UTP15: variants seen among roughly 807,000 people sequenced by gnomAD.
UTP15 encodes UTP15 small subunit processome component, also known as U3 small nucleolar RNA-associated protein 15 homolog.
In UTP15, 5 loss-of-function variants were observed where a neutral mutation model predicts 59.1. That is an observed-to-expected ratio of 0.08 (90% confidence interval 0.04 to 0.18). The LOEUF is 0.18. UTP15 is among the 10% of genes least tolerant of loss of function. The probability of loss-of-function intolerance (pLI) is 1.00; values close to 1 mark genes in which losing one functional copy is unlikely to be tolerated. For synonymous variants in UTP15, 211 were observed against 212.2 expected (o/e 0.99, Z 0.05); for missense variants, 494 against 616.7 (o/e 0.80, Z 2.11).
Position 73,580,192 on chromosome 5 carries a change from G to T in UTP15, c.*98G>T. On this transcript the variant is annotated 3_prime_UTR_variant, in exon 13 of 13. Coordinates refer to ENST00000296792, the MANE Select transcript of UTP15 (RefSeq NM_032175.4). ...CTCTCTTTGATACATTAAAAAAACTGTTTGCAGAAGCAGTTCTGTGGAAGA... is the reference window on the plus strand; with the variant it reads ...CTCTCTTTGATACATTAAAAAAACTTTTTGCAGAAGCAGTTCTGTGGAAGA... 9.5e-7 allele frequency: 1 copy of T among 1,050,356 alleles called. No individual in the cohort carries two copies. Among genetic ancestry groups the T allele is most frequent in the East Asian group, 2.6e-5 (1 of 37,770 alleles). 65.1% of individuals were successfully genotyped at this position (1,050,356 alleles called of 1,614,324 possible).
In UTP15 at chr5:73,568,692, C is replaced by T. The variant is rs1002472092; in HGVS notation, c.368+88C>T. ...GGACTTTGGTTAAAAAGATAGAGAT[C>T]AGTTTTATGGAGATTATTTGCCTAT... On this transcript the variant is annotated intron_variant, in intron 4 of 12. Coordinates refer to ENST00000296792, the MANE Select transcript of UTP15 (RefSeq NM_032175.4). The T allele has an allele frequency of 4.7e-6, 6 of 1,285,638 alleles. 1 individual carries two copies. In the East Asian group the frequency reaches 1.2e-4, roughly 25 times the overall value. 79.6% of individuals were successfully genotyped at this position (1,285,638 alleles called of 1,614,324 possible).
intron 4 of UTP15, among the ~76,000 whole-genome samples, chr5:73,569,197 T>G (rs1396793336): frequency 6.6e-6 from 1 of 152,214 alleles, no homozygotes; most frequent in African/African-American, 2.4e-5. Context: ...TTTTAAAAAT[T>G]AAAGTGCCTT....
intron 2 of UTP15, among the ~76,000 whole-genome samples, chr5:73,568,001 G>A (rs527778721): frequency 6.6e-6 from 1 of 152,256 alleles, no homozygotes; most frequent in Non-Finnish European, 1.5e-5. Flanking sequence ...AAACTCAATA[G>A]CTGAAGAGAC....
At chr5:73,578,049 T>TA (rs1402212557) in intron 9 of UTP15, 44 bp downstream of exon 9, 1 of 1,561,558 alleles carries the variant, frequency 6.4e-7, no homozygotes, top group South Asian at 1.2e-5. Flanking sequence ...TGAAATTTGT[T>TA]AGAGTAGCCA....
Position 73,580,749 on chromosome 5 carries a change from T to C in UTP15, c.*655T>C, listed in dbSNP as rs1748278268. ...GAGCAAGCTCTACAGATAGACCTTATTGGACTACTTTTTTTTTTTTCTTCA... is the reference window on the plus strand; with the variant it reads ...GAGCAAGCTCTACAGATAGACCTTACTGGACTACTTTTTTTTTTTTCTTCA... On this transcript the variant is annotated 3_prime_UTR_variant, in exon 13 of 13. Coordinates refer to ENST00000296792, the MANE Select transcript of UTP15 (RefSeq NM_032175.4). 6.6e-6 allele frequency: 1 copy of C among 152,178 alleles called. No individual in the cohort carries two copies. The highest frequency in any genetic ancestry group is 2.4e-5 in the African/African-American group (1 of 41,446). The allele number at this position is 152,178 out of a possible 1,614,324, so 9.4% of individuals were successfully genotyped here.
At chr5:73,575,685 T>G (rs1748068931) in intron 7 of UTP15, among the ~76,000 whole-genome samples, 1 of 149,894 alleles carries the variant, frequency 6.7e-6, no homozygotes, top group Non-Finnish European at 1.5e-5. Context: ...GTGTGAGCCA[T>G]CACACTTGGC....
rs1037764608 is a variant in UTP15 at position 73,578,839 on chromosome 5, A to G, written c.1133A>G (p.Asp378Gly). The G allele has an allele frequency of 1.2e-6, 2 of 1,613,732 alleles. No individual in the cohort carries two copies. Among genetic ancestry groups the G allele is most frequent in the East Asian group, 2.2e-5 (1 of 44,872 alleles). ...LKHFRISKAL[D>G]RVLDPTCTIK... is the part of the protein sequence containing the mutation. ...CATTTTCGGATCTCTAAGGCACTCG[A>G]TAGAGTTCTTGATGTGAGTGAGCAT... The change falls in exon 10 of 13, where the codon GAT (aspartate) becomes GGT (glycine). Residue 378 changes from aspartate (D) to glycine (G), a missense_variant. Asp to Gly is a moderately conservative substitution (Grantham distance 94). Coordinates refer to ENST00000296792, the MANE Select transcript of UTP15 (RefSeq NM_032175.4).
At chr5:73,573,410 G>C (rs1362048365) in intron 7 of UTP15, among the ~76,000 whole-genome samples, 15 of 151,672 alleles carry the variant, frequency 9.9e-5, no homozygotes, top group Admixed American at 9.9e-4. Flanking sequence ...ACCATGCCTG[G>C]CTAATTTTTG....
At chr5:73,570,351 A>G (rs559340762) in intron 5 of UTP15, among the ~76,000 whole-genome samples, 4 of 152,328 alleles carry the variant, frequency 2.6e-5, no homozygotes, top group South Asian at 2.1e-4. Flanking sequence ...CAGTAGTCCA[A>G]AGAAAGAAAT....
chr5:73,579,331 C>T lies in UTP15; in HGVS notation c.1295C>T (p.Pro432Leu). 6.2e-7 allele frequency: 1 copy of T among 1,609,074 alleles called. No individual in the cohort carries two copies. The highest frequency in any genetic ancestry group is 1.7e-5 in the Admixed American group (1 of 59,232). ...LNFLIRNLSQ[P>L]RFAPVLINAA... ...TTACTTTGTAGGAATCTTTCTCAGC[C>T]AAGATTTGCCCCTGTTTTAATCAAT... Residue 432 changes from proline (P) to leucine (L), a missense_variant, in exon 12 of 13, where the codon CCA becomes CTA. Physicochemically the swap from Pro to Leu is moderately conservative, Grantham distance 98. Coordinates refer to ENST00000296792, the MANE Select transcript of UTP15 (RefSeq NM_032175.4).
chr5:73,581,223 T>G lies in UTP15; in HGVS notation c.*1129T>G, dbSNP rs1748295230. 6.6e-6 allele frequency: 1 copy of G among 152,084 alleles called. No homozygotes were observed. The highest frequency in any genetic ancestry group is 2.4e-5 in the African/African-American group (1 of 41,376). The allele number at this position is 152,084 out of a possible 1,614,324, so 9.4% of individuals were successfully genotyped here. A position where few individuals can be genotyped will look rare whatever the true frequency, so the allele number is the denominator to read the frequency against. ...GTGTGCCCCACCACGCCTGGCTAAT[T>G]TTTGTAGTTTTAGTAGAGACGGGGT... is the stretch of plus-strand genomic sequence containing the variant. On this transcript the variant is annotated 3_prime_UTR_variant, in exon 13 of 13. Transcript: ENST00000296792.
chr5:73,566,364 C>T (rs540894256), intron 1 of UTP15, among the ~76,000 whole-genome samples: 1 of 152,316 alleles, frequency 6.6e-6, no homozygotes, highest in South Asian at 2.1e-4. Flanking sequence ...AGGCACAGAC[C>T]ATGTCTTTAT....
chr5:73,570,758 C>G (rs896486443), intron 6 of UTP15, 47 bp downstream of exon 6: 2 of 1,601,778 alleles, frequency 1.2e-6, no homozygotes, highest in South Asian at 2.2e-5. Flanking sequence ...TTTTGAATCA[C>G]GTTTGTTTAA....
chr5:73,573,126 C>A (rs1009017444), intron 7 of UTP15, among the ~76,000 whole-genome samples: 22 of 152,052 alleles, frequency 1.4e-4, no homozygotes, highest in African/African-American at 5.1e-4. Context: ...TCCTTTGACA[C>A]AATTTGTTTT....
At chr5:73,577,777 TG>T (rs1748145213) in intron 8 of UTP15, 78 bp from the exon 9 acceptor site, 1 of 1,244,034 alleles carries the variant, frequency 8.0e-7, no homozygotes, top group Non-Finnish European at 1.1e-6. Context: ...AGCAAACACA[TG>T]GTAAATGTGT....
intron 7 of UTP15, among the ~76,000 whole-genome samples, chr5:73,573,734 C>T (rs891797294): frequency 6.6e-5 from 10 of 151,300 alleles, no homozygotes; most frequent in South Asian, 2.1e-4. Context: ...CCACCTTGCC[C>T]GGCTAATTTT....
Position 73,579,041 on chromosome 5 carries a change from G to A in UTP15, c.1171G>A (p.Glu391Lys), listed in dbSNP as rs375548127. Reference sequence around the variant, plus strand: ...GCCCACTTGTACAATAAAGACACCCGAGATTACGGTGTCCATCATAAAGGA... The same window carrying A: ...GCCCACTTGTACAATAAAGACACCCAAGATTACGGTGTCCATCATAAAGGA... ...LDPTCTIKTP[E>K]ITVSIIKELN... Residue 391 changes from glutamate (E) to lysine (K), a missense_variant, in exon 11 of 13, where the codon GAG becomes AAG. Physicochemically the swap from Glu to Lys is moderately conservative, Grantham distance 56. Coordinates refer to ENST00000296792, the MANE Select transcript of UTP15 (RefSeq NM_032175.4). 49 of 1,612,872 alleles carry A rather than the reference G, an allele frequency of 3.0e-5. No homozygotes were observed. Among genetic ancestry groups the A allele is most frequent in the Non-Finnish European group, 3.6e-5 (43 of 1,179,294 alleles).
intron 2 of UTP15, 55 bp downstream of exon 2, chr5:73,567,489 A>G: frequency 7.6e-7 from 1 of 1,315,918 alleles, no homozygotes; most frequent in Non-Finnish European, 1.1e-6. Flanking sequence ...CAATTTCTCT[A>G]GCATATGTTA....
intron 3 of UTP15, 39 bp from the exon 4 acceptor site, chr5:73,568,381 C>G (rs1477537176): frequency 1.3e-6 from 2 of 1,597,462 alleles, no homozygotes; most frequent in Non-Finnish European, 1.7e-6. Context: ...TACTACTGAT[C>G]TTGAGCCATC....
Sources: allele counts gnomAD v4.1 joint callset (sites outside exome capture counted in the v4.1 genomes callset), GRCh38; gene constraint gnomAD v4.1.1; transcripts MANE v1.5; gene names NCBI Gene and HGNC (gene_info 2026-07-23, HGNC 2026-07-21).